Variants in NUDCD1 observed in about 807,000 individuals in gnomAD.
NUDCD1 encodes the protein NudC domain containing 1, also known as nudC domain-containing protein 1.
NUDCD1 carries 60 observed loss-of-function variants against 67.8 expected under a neutral mutation model. That is an observed-to-expected ratio of 0.88 (90% CI 0.72 to 1.10). The LOEUF is 1.10. NUDCD1 is among the 50% of genes least tolerant of loss of function. The probability of loss-of-function intolerance (pLI) is 0.00; values close to 1 mark genes in which losing one functional copy is unlikely to be tolerated. For missense variants in NUDCD1, 643 were observed against 695.0 expected (o/e 0.93, Z 0.84); for synonymous variants, 244 against 230.8 (o/e 1.06, Z -0.52).
intron 2 of NUDCD1, among the ~76,000 whole-genome samples, chr8:109,301,794 TC>T (rs1213636121): frequency 5.3e-5 from 8 of 152,180 alleles, no homozygotes; most frequent in African/African-American, 1.4e-4. Flanking sequence ...GACCCAAAAC[TC>T]CAGCACCAGT....
chr8:109,265,008 C>T (rs1331993764), intron 8 of NUDCD1, among the ~76,000 whole-genome samples: 2 of 151,488 alleles, frequency 1.3e-5, no homozygotes, highest in African/African-American at 2.4e-5. Flanking sequence ...ATTAAGTACA[C>T]CAAAAAGCTT....
At chr8:109,306,570 T>C (rs887859530) in intron 2 of NUDCD1, among the ~76,000 whole-genome samples, 5 of 146,388 alleles carry the variant, frequency 3.4e-5, no homozygotes, top group African/African-American at 1.0e-4. Context: ...TATGACAACA[T>C]AAAAAAAAAA....
chr8:109,313,760 C>A (rs943582161), intron 2 of NUDCD1: 3 of 520,694 alleles, frequency 5.8e-6, no homozygotes, highest in Admixed American at 4.8e-5. Flanking sequence ...ATTTTATACA[C>A]AATTATGAGC....
chr8:109,285,275 A>G (rs923353739), intron 5 of NUDCD1, among the ~76,000 whole-genome samples: 4 of 129,632 alleles, frequency 3.1e-5, no homozygotes, highest in Non-Finnish European at 1.8e-5. Flanking sequence ...ACTATTCCAA[A>G]AAAATCGAGA....
At position 109,305,801 on chromosome 8, in the gene NUDCD1, T is replaced by C. The variant is rs1031512579; in HGVS notation, c.274-9232A>G. Among the ~76,000 whole-genome samples, 4 of 152,252 alleles carry C rather than the reference T, an allele frequency of 2.6e-5. No individual in the cohort carries two copies. In the South Asian group the frequency reaches 6.2e-4, roughly 24 times the overall value. On this transcript the variant is annotated intron_variant, in intron 2 of 9. Transcript: ENST00000239690. ...TATAGTACCCCAACGGCTGTTCGTC[T>C]GCAGGACCCCCGCATTAGGTTCATA... is the stretch of plus-strand genomic sequence containing the variant.
intron 2 of NUDCD1, among the ~76,000 whole-genome samples, chr8:109,310,810 CTTTTTTTTTTTT>C (rs59611956): frequency 2.9e-4 from 22 of 75,198 alleles, no homozygotes; most frequent in African/African-American, 1.0e-3. Flanking sequence ...ATAGACAATT[CTTTTTTTTTTTT>C]TTTTTTTTTT....
rs5893947 is a variant in NUDCD1 at position 109,242,786 on chromosome 8, C to CTT, written c.*221_*222dup. 1.6e-4 allele frequency: 44 copies of CTT among 276,080 alleles called. No individual in the cohort carries two copies. Among genetic ancestry groups the CTT allele is most frequent in the Middle Eastern group, 1.1e-3 (1 of 932 alleles). The allele number at this position is 276,080 out of a possible 1,614,324, so 17.1% of individuals were successfully genotyped here. On this transcript the variant is annotated 3_prime_UTR_variant, in exon 10 of 10. Coordinates refer to ENST00000239690, the MANE Select transcript of NUDCD1 (RefSeq NM_032869.4). ...TATACTTGCTAGTACTATCTTCACT[C>CTT]TTTTTTTTTTTCAGAAGCCAATGTT...
chr8:109,254,853 T>C, intron 8 of NUDCD1, among the ~76,000 whole-genome samples: 1 of 152,184 alleles, frequency 6.6e-6, no homozygotes. Context: ...TGTATTGGGA[T>C]GCCAGATTGA....
At chr8:109,322,243 A>T (rs1416272757) in intron 2 of NUDCD1, 66 bp downstream of exon 2, 1 of 831,898 alleles carries the variant, frequency 1.2e-6, no homozygotes, top group Non-Finnish European at 1.8e-6. Flanking sequence ...CAAAAGGGAA[A>T]CTTAATTATC....
intron 1 of NUDCD1, among the ~76,000 whole-genome samples, chr8:109,327,137 T>C (rs977737644): frequency 6.6e-6 from 1 of 152,202 alleles, no homozygotes; most frequent in Admixed American, 6.5e-5. Context: ...TTCACCTAGT[T>C]ACTGAGCTTG....
At chr8:109,302,758 T>A (rs1020830783) in intron 2 of NUDCD1, among the ~76,000 whole-genome samples, 1 of 152,166 alleles carries the variant, frequency 6.6e-6, no homozygotes, top group Admixed American at 6.5e-5. Context: ...GCCCAGTCCA[T>A]GGCCCGTTTG....
intron 6 of NUDCD1, among the ~76,000 whole-genome samples, chr8:109,279,334 T>A (rs1814375142): frequency 6.6e-6 from 1 of 152,188 alleles, no homozygotes; most frequent in African/African-American, 2.4e-5. Flanking sequence ...TCACTCTAGT[T>A]TTAATTTTCC....
intron 1 of NUDCD1, 53 bp from the exon 2 acceptor site, chr8:109,322,516 T>A: frequency 4.8e-6 from 7 of 1,449,574 alleles, no homozygotes; most frequent in Non-Finnish European, 6.6e-6. Context: ...CTCAGATAGT[T>A]TCTATCTGTA....
rs374479673 is a variant in NUDCD1, at chr8:109,297,756, G to A, written c.274-1187C>T. Among the ~76,000 whole-genome samples the A allele has an allele frequency of 8.5e-5, 13 of 152,232 alleles. No homozygotes were observed. The South Asian group carries it at 2.7e-3, about 32-fold the overall frequency. ...ACAGCAGCACAAATGGACTACAACA[G>A]TTACATCATTAAAATGTTTTACAAG... On this transcript the variant is annotated intron_variant, in intron 2 of 9. Coordinates refer to ENST00000239690, the MANE Select transcript of NUDCD1 (RefSeq NM_032869.4).
Position 109,293,681 on chromosome 8 carries a change from C to T in NUDCD1, c.460-157G>A, listed in dbSNP as rs528640370. Among the ~76,000 whole-genome samples the T allele has an allele frequency of 2.0e-5, 3 of 152,014 alleles. No individual in the cohort carries two copies. The South Asian group carries it at 6.2e-4, about 32-fold the overall frequency. ...TAAAAAGGCCTTTACATAAAGACTG[C>T]AAGTTTAGATAATGTTCCCTGAGGA... On this transcript the variant is annotated intron_variant, in intron 3 of 9. Coordinates refer to ENST00000239690, the MANE Select transcript of NUDCD1 (RefSeq NM_032869.4).
At chr8:109,283,363 A>T (rs1814500853) in intron 5 of NUDCD1, among the ~76,000 whole-genome samples, 1 of 152,228 alleles carries the variant, frequency 6.6e-6, no homozygotes, top group Non-Finnish European at 1.5e-5. Context: ...AAACTGAAAA[A>T]CATGTTTGAG....
intron 5 of NUDCD1, among the ~76,000 whole-genome samples, chr8:109,282,572 T>C (rs931423721): frequency 5.3e-5 from 8 of 151,060 alleles, no homozygotes; most frequent in African/African-American, 1.5e-4. Context: ...CCAGAATCTC[T>C]AGATAAGAAA....
chr8:109,298,959 G>C (rs1349596798), intron 2 of NUDCD1: 2 of 152,426 alleles, frequency 1.3e-5, no homozygotes, highest in East Asian at 3.8e-4. Context: ...AAGTAGGAAA[G>C]AGAGACCCCT....
At chr8:109,279,221 T>A (rs1814371383) in intron 6 of NUDCD1, among the ~76,000 whole-genome samples, 1 of 152,254 alleles carries the variant, frequency 6.6e-6, no homozygotes, top group Admixed American at 6.5e-5. Context: ...GATTGTATTA[T>A]TATTTTACAC....
Sources: allele counts gnomAD v4.1 joint callset (sites outside exome capture counted in the v4.1 genomes callset), GRCh38; gene constraint gnomAD v4.1.1; transcripts MANE v1.5; gene names NCBI Gene and HGNC (gene_info 2026-07-23, HGNC 2026-07-21).